Variants in ATP10B observed in about 807,000 individuals in gnomAD.
The protein encoded by ATP10B is ATPase phospholipid transporting 10B (putative), also known as phospholipid-transporting ATPase VB.
Under a neutral mutation model 141.2 loss-of-function variants are expected in ATP10B, and 122 were observed. That is an observed-to-expected ratio of 0.86 (90% confidence interval 0.75 to 1.00). ATP10B has a LOEUF of 1.00. Among genes scored for constraint, ATP10B ranks in the 50% least tolerant of loss-of-function variants. The probability of loss-of-function intolerance (pLI) is 0.00; values close to 1 mark genes in which losing one functional copy is unlikely to be tolerated. For missense variants in ATP10B, 1,876 were observed against 1,825.3 expected, an observed-to-expected ratio of 1.03 and a Z score of -0.51; for synonymous variants, 685 against 692.0, an observed-to-expected ratio of 0.99 and a Z score of 0.16.
At chr5:160,822,239 A>G (rs1246817967) in intron 1 of ATP10B, among the ~76,000 whole-genome samples, 1 of 152,142 alleles carries the variant, frequency 6.6e-6, no homozygotes, top group Non-Finnish European at 1.5e-5. Flanking sequence ...AAACATACCA[A>G]TGGCAAACAG....
chr5:160,636,471 G>A (rs1303912107), intron 10 of ATP10B, among the ~76,000 whole-genome samples, 162 bp from the exon 11 acceptor site: 1 of 152,154 alleles, frequency 6.6e-6, no homozygotes, highest in Non-Finnish European at 1.5e-5. Flanking sequence ...TTGTGTATGT[G>A]CATGTGTTCA....
intron 1 of ATP10B, among the ~76,000 whole-genome samples, chr5:160,799,566 A>G (rs1406898095): frequency 6.6e-6 from 1 of 152,182 alleles, no homozygotes; most frequent in African/African-American, 2.4e-5. Context: ...TGAGGGCGAG[A>G]GAGCATGTTT....
At chr5:160,720,734 T>A (rs1397972214) in intron 2 of ATP10B, among the ~76,000 whole-genome samples, 2 of 152,226 alleles carry the variant, frequency 1.3e-5, no homozygotes, top group Non-Finnish European at 2.9e-5. Flanking sequence ...AACCATCCTT[T>A]CCTCATGTTG....
chr5:160,729,929 G>A (rs779754693), intron 2 of ATP10B, among the ~76,000 whole-genome samples: 7 of 152,064 alleles, frequency 4.6e-5, no homozygotes, highest in African/African-American at 7.2e-5. Context: ...TTTGAAGAAG[G>A]AAGGATATCT....
At chr5:160,703,225 G>A (rs1159019321) in intron 3 of ATP10B, among the ~76,000 whole-genome samples, 9 of 152,068 alleles carry the variant, frequency 5.9e-5, no homozygotes, top group Non-Finnish European at 1.5e-5. Context: ...CGGAGACTGT[G>A]GGTTTGGTTC....
chr5:160,581,512 G>T (rs1581146999), intron 24 of ATP10B, among the ~76,000 whole-genome samples: 2 of 152,192 alleles, frequency 1.3e-5, no homozygotes, highest in South Asian at 2.1e-4. Flanking sequence ...TGGTCTGAGA[G>T]ACTGTTTGTT....
At chr5:160,755,809 C>T (rs1363050846) in intron 2 of ATP10B, among the ~76,000 whole-genome samples, 1,005 of 87,522 alleles carry the variant, frequency 0.011, 12 homozygotes, top group African/African-American at 0.038. Context: ...AGCGAGACTC[C>T]GTCTCAAAAA....
At chr5:160,874,206 T>A in the ATP10B span, among the ~76,000 whole-genome samples, 2 of 152,048 alleles carry the variant, frequency 1.3e-5, no homozygotes, top group Non-Finnish European at 2.9e-5. Context: ...GCAGACTGCC[T>A]CCTCAAGTGG....
Position 160,785,583 on chromosome 5 carries a change from T to A in ATP10B, c.-355A>T. Reference sequence around the variant, plus strand: ...CCTGATAGGTAGATTTCAAGTCTTGTTCCTCTTTCTCCTTCCCTCCTTTTT... The same window carrying A: ...CCTGATAGGTAGATTTCAAGTCTTGATCCTCTTTCTCCTTCCCTCCTTTTT... On this transcript the variant is annotated 5_prime_UTR_variant, in exon 2 of 26. Coordinates refer to ENST00000327245, the MANE Select transcript of ATP10B (RefSeq NM_025153.3). 1.1e-6 allele frequency: 1 copy of A among 944,800 alleles called. No individual in the cohort carries two copies. Among genetic ancestry groups the A allele is most frequent in the Non-Finnish European group, 1.5e-6 (1 of 674,796 alleles). 58.5% of individuals were successfully genotyped at this position (944,800 alleles called of 1,614,324 possible). A position where few individuals can be genotyped will look rare whatever the true frequency, so the allele number is the denominator to read the frequency against.
Position 160,819,422 on chromosome 5 carries a change from T to G in ATP10B, c.-576+32519A>C, listed in dbSNP as rs908507084. Among the ~76,000 whole-genome samples the G allele has an allele frequency of 9.2e-5, 14 of 152,162 alleles. No individual in the cohort carries two copies. In the South Asian group the frequency reaches 1.0e-3, roughly 11 times the overall value. Reference sequence around the variant, plus strand: ...AACACCAGACCTATCCTACAAGAAGTATTAAAGGGACTACTCCCATCTGAA... The same window carrying G: ...AACACCAGACCTATCCTACAAGAAGGATTAAAGGGACTACTCCCATCTGAA... On this transcript the variant is annotated intron_variant, in intron 1 of 25. Transcript: ENST00000327245.
intron 7 of ATP10B, among the ~76,000 whole-genome samples, chr5:160,668,495 ACT>A (rs1172039637): frequency 6.6e-6 from 1 of 152,142 alleles, no homozygotes; most frequent in Non-Finnish European, 1.5e-5. Context: ...GTCTAGAATG[ACT>A]CTGTGAACTT....
intron 6 of ATP10B, chr5:160,684,846 G>A (rs1246999135): frequency 1.4e-6 from 1 of 696,788 alleles, no homozygotes; most frequent in Admixed American, 2.0e-5. Context: ...TGCTGTAGAT[G>A]AGGCACTCTC....
At chr5:160,813,643 C>G (rs543143929) in intron 1 of ATP10B, among the ~76,000 whole-genome samples, 1 of 152,276 alleles carries the variant, frequency 6.6e-6, no homozygotes, top group African/African-American at 2.4e-5. Flanking sequence ...TAGTTGTTCT[C>G]CCAGCACGCA....
chr5:160,632,577 G>T, intron 12 of ATP10B: 2 of 369,716 alleles, frequency 5.4e-6, no homozygotes, highest in South Asian at 7.6e-5. Context: ...CTAGTTATGT[G>T]ACTTTGAGCT....
chr5:160,896,631 AC>A, the ATP10B span, among the ~76,000 whole-genome samples: 1 of 152,194 alleles, frequency 6.6e-6, no homozygotes. Flanking sequence ...AGGAGCTGGT[AC>A]CATTTTTTTT....
intron 18 of ATP10B, among the ~76,000 whole-genome samples, chr5:160,609,530 C>G (rs1278856784): frequency 9.9e-5 from 15 of 152,056 alleles, no homozygotes. Context: ...CAGCATGCGC[C>G]ACCACACCTG....
Position 160,687,987 on chromosome 5 carries a change from G to C in ATP10B, c.88C>G (p.Leu30Val). The C allele has an allele frequency of 1.9e-6, 3 of 1,614,120 alleles. No individual in the cohort carries two copies. Among genetic ancestry groups the C allele is most frequent in the Non-Finnish European group, 2.5e-6 (3 of 1,180,034 alleles). ...TGTCTCCCTTTCTCTGGAGAGAGCA[G>C]CGGTGTGGTTTCCGATGGACAATGG... ...FPHCPSETTP[L>V]LSPEKGRQSY... is the part of the protein sequence containing the mutation. Residue 30 changes from leucine to valine, a missense_variant, in exon 5 of 26, where the codon CTG becomes GTG. Physicochemically the swap from Leu to Val is conservative, Grantham distance 32 (BLOSUM62 1). Coordinates refer to ENST00000327245, the MANE Select transcript of ATP10B (RefSeq NM_025153.3).
chr5:160,840,426 T>C (rs1050501273), intron 1 of ATP10B, among the ~76,000 whole-genome samples: 9 of 152,008 alleles, frequency 5.9e-5, no homozygotes, highest in Admixed American at 3.9e-4. Context: ...ATCTAGTATA[T>C]TAAAAAGGTT....
intron 3 of ATP10B, among the ~76,000 whole-genome samples, chr5:160,704,482 C>T (rs1033084726): frequency 6.6e-6 from 1 of 152,118 alleles, no homozygotes; most frequent in Non-Finnish European, 1.5e-5. Context: ...CTTTGTTGTC[C>T]TAATTTACAG....
Sources: allele counts gnomAD v4.1 joint callset (sites outside exome capture counted in the v4.1 genomes callset), GRCh38; gene constraint gnomAD v4.1.1; transcripts MANE v1.5; gene names NCBI Gene and HGNC (gene_info 2026-07-23, HGNC 2026-07-21).